NRXN3: variants seen among roughly 807,000 people sequenced by gnomAD.
NRXN3 encodes the protein neurexin III.
In NRXN3, 32 loss-of-function variants were observed where a neutral mutation model predicts 137.6. That is an observed-to-expected ratio of 0.23 (90% CI 0.18 to 0.31). The LOEUF (loss-of-function observed/expected upper bound fraction) is 0.31, where lower values mean the gene tolerates loss of function less well. NRXN3 is among the 10% of genes least tolerant of loss of function. The pLI, the probability that NRXN3 is intolerant of heterozygous loss-of-function variation, is 1.00. For missense variants in NRXN3, 1,574 were observed against 2,062.5 expected (o/e 0.76, Z 4.59); for synonymous variants, 798 against 784.5 (o/e 1.02, Z -0.29).
chr14:79,209,714 C>T lies in NRXN3; in HGVS notation c.3262+221573C>T, dbSNP rs3919883. 2.0e-3 allele frequency among the ~76,000 whole-genome samples: 298 copies of T among 152,220 alleles called. 5 individuals are homozygous for T. Among genetic ancestry groups the T allele is most frequent in the African/African-American group, 7.0e-3 (289 of 41,540 alleles). On this transcript the variant is annotated intron_variant, in intron 15 of 20. Coordinates refer to ENST00000335750, the MANE Select transcript of NRXN3 (RefSeq NM_001330195.2). Reference sequence around the variant, plus strand: ...AGTCAGGAGCTCTTTCTTATACCAGCGATTTTATCACAAGACCTAAAAGAG... The same window carrying T: ...AGTCAGGAGCTCTTTCTTATACCAGTGATTTTATCACAAGACCTAAAAGAG...
intron 16 of NRXN3, among the ~76,000 whole-genome samples, chr14:79,609,516 A>C (rs2098071793): frequency 6.6e-6 from 1 of 152,204 alleles, no homozygotes; most frequent in Non-Finnish European, 1.5e-5. Flanking sequence ...GCCACATGCA[A>C]CTAGGAAGAA....
intron 6 of NRXN3, among the ~76,000 whole-genome samples, chr14:78,669,279 G>C (rs1016914989): frequency 6.6e-6 from 1 of 152,122 alleles, no homozygotes; most frequent in Non-Finnish European, 1.5e-5. Flanking sequence ...AGTAGTAGTA[G>C]TAGTAGTAAT....
intron 10 of NRXN3, 45 bp downstream of exon 10, chr14:78,810,389 AC>A (rs199711859): frequency 0.11 from 90,784 of 821,964 alleles, 1,212 homozygotes; most frequent in East Asian, 0.14. Context: ...AAAAAAAAAA[AC>A]AAAACTGACT....
At chr14:78,251,502 T>TA (rs2068623464) in intron 2 of NRXN3, among the ~76,000 whole-genome samples, 2 of 152,218 alleles carry the variant, frequency 1.3e-5, no homozygotes, top group South Asian at 4.1e-4. Flanking sequence ...CCGCCTCTGT[T>TA]AACACAACTT....
intron 15 of NRXN3, among the ~76,000 whole-genome samples, chr14:79,456,770 A>G (rs1378130592): frequency 6.6e-6 from 1 of 151,748 alleles, no homozygotes; most frequent in Non-Finnish European, 1.5e-5. Flanking sequence ...GAGGAGAGGA[A>G]GAGAAGCAGA....
chr14:78,869,971 A>T (rs1273914391), intron 10 of NRXN3, among the ~76,000 whole-genome samples: 2 of 152,320 alleles, frequency 1.3e-5, no homozygotes, highest in Admixed American at 1.3e-4. Context: ...ACAATGACTA[A>T]GAGGTAACAT....
intron 11 of NRXN3, among the ~76,000 whole-genome samples, chr14:78,965,423 T>G (rs2099415611): frequency 6.6e-6 from 1 of 152,092 alleles, no homozygotes; most frequent in African/African-American, 2.4e-5. Flanking sequence ...TAAAGTACAT[T>G]GAGTGGTCTA....
rs371816832 is a variant in NRXN3 at position 79,558,798 on chromosome 14, G to A, written c.3444+91396G>A. ...AGAGTCAGCCCAAGACTACACCTTC[G>A]TCCAGCAGAAGACTGTTTTGTCTGC... On this transcript the variant is annotated intron_variant, in intron 16 of 20. Transcript: ENST00000335750. Among the ~76,000 whole-genome samples, 204 of 152,186 alleles carry A rather than the reference G, an allele frequency of 1.3e-3. 1 individual carries two copies. The highest frequency in any genetic ancestry group is 4.6e-3 in the African/African-American group (191 of 41,538).
chr14:78,431,352 G>A (rs2093871828), intron 4 of NRXN3, among the ~76,000 whole-genome samples: 1 of 152,182 alleles, frequency 6.6e-6, no homozygotes, highest in Admixed American at 6.5e-5. Context: ...AATGGGAAGG[G>A]AAGAAGAGTA....
chr14:79,385,664 G>T (rs1236384542), intron 15 of NRXN3, among the ~76,000 whole-genome samples: 1 of 152,120 alleles, frequency 6.6e-6, no homozygotes, highest in Non-Finnish European at 1.5e-5. Flanking sequence ...TTCTCACAAG[G>T]TTTGGCTGTT....
chr14:79,807,901 T>C (rs1380984820), intron 20 of NRXN3, among the ~76,000 whole-genome samples: 4 of 152,150 alleles, frequency 2.6e-5, no homozygotes, highest in African/African-American at 9.7e-5. Flanking sequence ...ATACAAGAAG[T>C]AGGTAGATAT....
intron 19 of NRXN3, among the ~76,000 whole-genome samples, chr14:79,786,707 ACT>A (rs989204242): frequency 2.6e-5 from 4 of 152,176 alleles, no homozygotes; most frequent in African/African-American, 9.6e-5. Flanking sequence ...GGGATGATAA[ACT>A]CTGTTAACTG....
chr14:79,653,456 G>A (rs2098486834), intron 16 of NRXN3, among the ~76,000 whole-genome samples: 1 of 152,108 alleles, frequency 6.6e-6, no homozygotes, highest in South Asian at 2.1e-4. Flanking sequence ...AACGAAATGT[G>A]ATATCATTAC....
At chr14:79,730,708 C>T (rs560355315) in intron 19 of NRXN3, among the ~76,000 whole-genome samples, 6 of 152,208 alleles carry the variant, frequency 3.9e-5, no homozygotes, top group South Asian at 2.1e-4. Flanking sequence ...TGCTCCCGAA[C>T]GAGTTATTTA....
chr14:78,888,996 A>G (rs1238171363), intron 10 of NRXN3, among the ~76,000 whole-genome samples: 1 of 151,998 alleles, frequency 6.6e-6, no homozygotes, highest in Non-Finnish European at 1.5e-5. Context: ...GATGGGAGAT[A>G]TCTTATATCC....
chr14:79,647,619 A>C (rs1053697142), intron 16 of NRXN3, among the ~76,000 whole-genome samples: 3 of 135,638 alleles, frequency 2.2e-5, no homozygotes, highest in African/African-American at 7.4e-5. Context: ...TTGTTGAGCC[A>C]CAGTTTATGA....
intron 1 of NRXN3, among the ~76,000 whole-genome samples, chr14:78,207,118 C>G (rs1277751188): frequency 6.6e-6 from 1 of 152,134 alleles, no homozygotes; most frequent in Non-Finnish European, 1.5e-5. Context: ...CCCATCTTGG[C>G]CTCCCAAAGT....
At chr14:78,695,627 C>T (rs2152785146) in intron 6 of NRXN3, 1 of 152,148 alleles carries the variant, frequency 6.6e-6, no homozygotes, top group African/African-American at 2.4e-5. Flanking sequence ...AAGAGCTGGT[C>T]TGAGTTCTGG....
chr14:78,552,513 C>T (rs993326277), intron 4 of NRXN3, among the ~76,000 whole-genome samples: 2 of 152,076 alleles, frequency 1.3e-5, no homozygotes, highest in Admixed American at 6.6e-5. Context: ...TAAAAATAAA[C>T]AACATAGCCA....
Sources: allele counts gnomAD v4.1 joint callset (sites outside exome capture counted in the v4.1 genomes callset), GRCh38; gene constraint gnomAD v4.1.1; transcripts MANE v1.5; gene names NCBI Gene and HGNC (gene_info 2026-07-23, HGNC 2026-07-21).